TOP1: variants seen among roughly 807,000 people sequenced by gnomAD.
TOP1 encodes the protein DNA topoisomerase 1.
A neutral mutation model predicts 111.1 loss-of-function variants in TOP1; 10 were observed. That is an observed-to-expected ratio of 0.09 (90% confidence interval 0.06 to 0.15). The LOEUF is 0.15. Among genes scored for constraint, TOP1 ranks in the 10% least tolerant of loss-of-function variants. TOP1 has a pLI of 1.00. For missense variants in TOP1, 474 were observed against 926.7 expected (o/e 0.51, Z 6.34); for synonymous variants, 271 against 302.9 (o/e 0.89, Z 1.10).
rs1600548884 is a variant in TOP1, at chr20:41,032,427, T to C, written c.58+2972T>C. Among the ~76,000 whole-genome samples the C allele has an allele frequency of 6.6e-6, 1 of 152,242 alleles. No homozygotes were observed. Among genetic ancestry groups the C allele is most frequent in the East Asian group, 1.9e-4 (1 of 5,202 alleles). On this transcript the variant is annotated intron_variant, in intron 2 of 20. Transcript: ENST00000361337. The surrounding 1 kb of genome is among the most constrained non-coding windows in gnomAD (Gnocchi z 4.3). ...TCTAAGTCTAAGTGAAAAGACTTCC[T>C]AAGTATTGGTAGAACTAACTGTAGT... is the stretch of plus-strand genomic sequence containing the variant.
Position 41,071,169 on chromosome 20 carries a change from A to G in TOP1, c.156-5002A>G, listed in dbSNP as rs2033664724. Among the ~76,000 whole-genome samples the G allele has an allele frequency of 6.6e-6, 1 of 152,030 alleles. No individual in the cohort carries two copies. The highest frequency in any genetic ancestry group is 6.6e-5 in the Admixed American group (1 of 15,266). On this transcript the variant is annotated intron_variant, in intron 3 of 20. Transcript: ENST00000361337. The surrounding 1 kb of genome is among the most constrained non-coding windows in gnomAD (Gnocchi z 4.3). ...AACAGTGCTTCGCCAGAAGGGAGACATTGTTCCCTACTGGCTCCCTACTTC... is the reference window on the plus strand; with the variant it reads ...AACAGTGCTTCGCCAGAAGGGAGACGTTGTTCCCTACTGGCTCCCTACTTC...
At position 41,101,185 on chromosome 20, in the gene TOP1, A is replaced by G; in HGVS notation, c.1164-24A>G. ...ATTATTCCTCACATCTTATTTCACTATCCTCGTGCTCTGTTATTTCCAGAG... is the reference window on the plus strand; with the variant it reads ...ATTATTCCTCACATCTTATTTCACTGTCCTCGTGCTCTGTTATTTCCAGAG... On this transcript the variant is annotated intron_variant, in intron 12 of 20. Coordinates refer to ENST00000361337, the MANE Select transcript of TOP1 (RefSeq NM_003286.4). The surrounding 1 kb of genome is among the most constrained non-coding windows in gnomAD (Gnocchi z 4.1). The G allele has an allele frequency of 3.7e-6, 6 of 1,613,318 alleles. No individual in the cohort carries two copies. Among genetic ancestry groups the G allele is most frequent in the Non-Finnish European group, 5.1e-6 (6 of 1,179,324 alleles).
intron 2 of TOP1, among the ~76,000 whole-genome samples, chr20:41,055,042 G>T (rs2033453891): frequency 6.6e-6 from 1 of 152,188 alleles, no homozygotes; most frequent in Admixed American, 6.5e-5. Flanking sequence ...TGTCCTTAGG[G>T]AGTAACTCCA....
intron 2 of TOP1, among the ~76,000 whole-genome samples, chr20:41,045,992 A>G (rs888487222): frequency 1.3e-5 from 2 of 152,216 alleles, no homozygotes; most frequent in Non-Finnish European, 2.9e-5. Flanking sequence ...TTTGACCACT[A>G]TGAGGACCAC....
chr20:41,098,385 G>T lies in TOP1; in HGVS notation c.975+48G>T, dbSNP rs1476369056. 6.3e-7 allele frequency: 1 copy of T among 1,587,460 alleles called. No homozygotes were observed. The highest frequency in any genetic ancestry group is 8.6e-7 in the Non-Finnish European group (1 of 1,165,844). On this transcript the variant is annotated intron_variant, in intron 11 of 20. Transcript: ENST00000361337. The surrounding 1 kb of genome is among the most constrained non-coding windows in gnomAD (Gnocchi z 5.7). ...TCTGGAGAATTCTGGAATTGTGATT[G>T]GTTCATTTAACTTTCTTCTTGGTTC...
intron 13 of TOP1, among the ~76,000 whole-genome samples, chr20:41,105,302 T>G (rs1230031881): frequency 2.6e-5 from 4 of 152,252 alleles, no homozygotes; most frequent in Non-Finnish European, 5.9e-5. Flanking sequence ...AAAGACATAT[T>G]GTACAACCTA....
At position 41,118,325 on chromosome 20, in the gene TOP1, G is replaced by A. The variant is rs958546796; in HGVS notation, c.1950+29G>A. ...TCTTGGATAAAATGAAGGGAACTGTGTCTGCTGTGGGCAGATTATCTGCGA... is the reference window on the plus strand; with the variant it reads ...TCTTGGATAAAATGAAGGGAACTGTATCTGCTGTGGGCAGATTATCTGCGA... On this transcript the variant is annotated intron_variant, in intron 18 of 20. Coordinates refer to ENST00000361337, the MANE Select transcript of TOP1 (RefSeq NM_003286.4). This position sits in a 1 kb window ranked among gnomAD's most constrained non-coding sequence, Gnocchi z 4.6. 2 of 1,612,232 alleles carry A rather than the reference G, an allele frequency of 1.2e-6. No individual in the cohort carries two copies. Among genetic ancestry groups the A allele is most frequent in the East Asian group, 2.2e-5 (1 of 44,852 alleles).
rs1318045172 is a variant in TOP1 at position 41,082,020 on chromosome 20, A to G, written c.507+780A>G. 1.1e-4 allele frequency among the ~76,000 whole-genome samples: 16 copies of G among 152,196 alleles called. No individual in the cohort carries two copies. Among genetic ancestry groups the G allele is most frequent in the Non-Finnish European group, 1.5e-5 (1 of 68,016 alleles). On this transcript the variant is annotated intron_variant, in intron 7 of 20. Coordinates refer to ENST00000361337, the MANE Select transcript of TOP1 (RefSeq NM_003286.4). This position sits in a 1 kb window ranked among gnomAD's most constrained non-coding sequence, Gnocchi z 4.1. ...TTTGACACTTTTGAGTTCTTGTACC[A>G]AAAAATTGTTAGCAGGTAATTCAAG... is the stretch of plus-strand genomic sequence containing the variant.
chr20:41,041,332 C>G (rs942194195), intron 2 of TOP1, among the ~76,000 whole-genome samples: 3 of 151,422 alleles, frequency 2.0e-5, no homozygotes, highest in African/African-American at 7.3e-5. Flanking sequence ...CACCTACAGT[C>G]CCAGCTACTT....
intron 14 of TOP1, among the ~76,000 whole-genome samples, chr20:41,113,454 C>T (rs956171781): frequency 2.0e-5 from 3 of 151,926 alleles, no homozygotes; most frequent in Non-Finnish European, 4.4e-5. Context: ...TATTTAACAT[C>T]CCTATAGATT....
chr20:41,114,284 C>T lies in TOP1; in HGVS notation c.1638+129C>T. ...GTGACTTGAGACAGGCAACATGGCA[C>T]ATGCCTGTAGACCCAGCTATTCAGA... On this transcript the variant is annotated intron_variant, in intron 15 of 20. Coordinates refer to ENST00000361337, the MANE Select transcript of TOP1 (RefSeq NM_003286.4). The surrounding 1 kb of genome is among the most constrained non-coding windows in gnomAD (Gnocchi z 4.5). 1 of 762,758 alleles carries T rather than the reference C, an allele frequency of 1.3e-6. No homozygotes were observed. Among genetic ancestry groups the T allele is most frequent in the Non-Finnish European group, 2.2e-6 (1 of 461,056 alleles). 47.2% of individuals were successfully genotyped at this position (762,758 alleles called of 1,614,324 possible).
rs369111725 is a variant in TOP1, at chr20:41,071,454, C to G, written c.156-4717C>G. 1.3e-5 allele frequency among the ~76,000 whole-genome samples: 2 copies of G among 150,914 alleles called. No homozygotes were observed. Among genetic ancestry groups the G allele is most frequent in the Non-Finnish European group, 3.0e-5 (2 of 67,586 alleles). On this transcript the variant is annotated intron_variant, in intron 3 of 20. Coordinates refer to ENST00000361337, the MANE Select transcript of TOP1 (RefSeq NM_003286.4). This position sits in a 1 kb window ranked among gnomAD's most constrained non-coding sequence, Gnocchi z 4.3. The stretch of plus-strand genomic sequence containing the variant: ...CTGTCTCCCTGGTTCAAGTGATTCT[C>G]CTGCCTCAGCCTCCCCAGTAGCTGG...
chr20:41,081,225 A>T lies in TOP1; in HGVS notation c.492A>T (p.Lys164Asn). 2 of 1,605,950 alleles carry T rather than the reference A, an allele frequency of 1.2e-6. No individual in the cohort carries two copies. The highest frequency in any genetic ancestry group is 1.7e-6 in the Non-Finnish European group (2 of 1,174,924). The change falls in exon 7 of 21, where the codon AAA becomes AAT. Residue 164 changes from lysine (K) to asparagine (N), a missense_variant. Physicochemically the swap from Lys to Asn is moderately conservative, Grantham distance 94. This residue lies in a region of TOP1 where 185 missense variants were observed against 226.3 expected (regional missense o/e 0.82). Transcript: ENST00000361337. ...TEDTKKEKKR[K>N]LEEEEDGKLK... ...ATACCAAGAAGGAGAAGAAAAGAAAACTAGAAGAAGAAGAGGTTAGTAAAG... is the reference window on the plus strand; with the variant it reads ...ATACCAAGAAGGAGAAGAAAAGAAATCTAGAAGAAGAAGAGGTTAGTAAAG...
At position 41,114,489 on chromosome 20, in the gene TOP1, G is replaced by A. The variant is rs1347405666; in HGVS notation, c.1638+334G>A. ...GGAGAGGTATTATTTGATATCTTGT[G>A]TACCTCCTTTTAGTCACTGTTCCGC... On this transcript the variant is annotated intron_variant, in intron 15 of 20. Transcript: ENST00000361337. This position sits in a 1 kb window ranked among gnomAD's most constrained non-coding sequence, Gnocchi z 4.5. 1.3e-5 allele frequency among the ~76,000 whole-genome samples: 2 copies of A among 152,224 alleles called. No homozygotes were observed. The highest frequency in any genetic ancestry group is 6.5e-5 in the Admixed American group (1 of 15,284).
chr20:41,112,066 CAT>C lies in TOP1; in HGVS notation c.1309-714_1309-713del. Among the ~76,000 whole-genome samples the C allele has an allele frequency of 6.6e-6, 1 of 152,284 alleles. No individual in the cohort carries two copies. The highest frequency in any genetic ancestry group is 2.1e-4 in the South Asian group (1 of 4,828). On this transcript the variant is annotated intron_variant, in intron 13 of 20. Coordinates refer to ENST00000361337, the MANE Select transcript of TOP1 (RefSeq NM_003286.4). This position sits in a 1 kb window ranked among gnomAD's most constrained non-coding sequence, Gnocchi z 5.8. The stretch of plus-strand genomic sequence containing the variant: ...TATTTTTTTAAAGGCTTCCCAGAAA[CAT>C]AGTTTCTCTCAATCTCATCAAGAAA...
chr20:41,098,097 T>C lies in TOP1; in HGVS notation c.853-118T>C. On this transcript the variant is annotated intron_variant, in intron 10 of 20. Coordinates refer to ENST00000361337, the MANE Select transcript of TOP1 (RefSeq NM_003286.4). This position sits in a 1 kb window ranked among gnomAD's most constrained non-coding sequence, Gnocchi z 5.7. ...TCAAAATTCATTAATTGAGATTGGC[T>C]ACTTCCAGAAACCTTTGACTGAAAA... 9.9e-7 allele frequency: 1 copy of C among 1,011,676 alleles called. No individual in the cohort carries two copies. 62.7% of individuals were successfully genotyped at this position (1,011,676 alleles called of 1,614,324 possible).
Position 41,124,453 on chromosome 20 carries a change from G to T in TOP1, c.*1156G>T. ...TGAATTCCCTTTTAATCAACTGTAG[G>T]TTATTTAAAATAAATTCCTACAACT... On this transcript the variant is annotated 3_prime_UTR_variant, in exon 21 of 21. Coordinates refer to ENST00000361337, the MANE Select transcript of TOP1 (RefSeq NM_003286.4). This position sits in a 1 kb window ranked among gnomAD's most constrained non-coding sequence, Gnocchi z 5.4. 1 of 231,754 alleles carries T rather than the reference G, an allele frequency of 4.3e-6. No individual in the cohort carries two copies. Among genetic ancestry groups the T allele is most frequent in the Non-Finnish European group, 8.6e-6 (1 of 116,858 alleles). 14.4% of individuals were successfully genotyped at this position (231,754 alleles called of 1,614,324 possible).
chr20:41,079,894 A>G lies in TOP1; in HGVS notation c.336-191A>G, dbSNP rs116061406. On this transcript the variant is annotated intron_variant, in intron 5 of 20. Transcript: ENST00000361337. The surrounding 1 kb of genome is among the most constrained non-coding windows in gnomAD (Gnocchi z 4.0). ...ATCCTGATATTGCCCATTCACCTGT[A>G]CAATGAGGACAAATACTATCTACTT... is the stretch of plus-strand genomic sequence containing the variant. 2.2e-3 allele frequency among the ~76,000 whole-genome samples: 330 copies of G among 152,374 alleles called. 1 individual carries two copies. Among genetic ancestry groups the G allele is most frequent in the African/African-American group, 6.5e-3 (271 of 41,590 alleles).
chr20:41,032,911 C>T lies in TOP1; in HGVS notation c.58+3456C>T, dbSNP rs1049654132. On this transcript the variant is annotated intron_variant, in intron 2 of 20. Coordinates refer to ENST00000361337, the MANE Select transcript of TOP1 (RefSeq NM_003286.4). This position sits in a 1 kb window ranked among gnomAD's most constrained non-coding sequence, Gnocchi z 4.3. ...TTTTAAAACTGAAAAGTGATGGTACCGCCAAATGAAATCTGCAGCATCCTC... is the reference window on the plus strand; with the variant it reads ...TTTTAAAACTGAAAAGTGATGGTACTGCCAAATGAAATCTGCAGCATCCTC... Among the ~76,000 whole-genome samples the T allele has an allele frequency of 3.9e-5, 6 of 152,042 alleles. No individual in the cohort carries two copies. The highest frequency in any genetic ancestry group is 3.3e-4 in the Admixed American group (5 of 15,252).
Sources: allele counts gnomAD v4.1 joint callset (sites outside exome capture counted in the v4.1 genomes callset), GRCh38; gene constraint gnomAD v4.1.1; regional missense constraint gnomAD v4.1.1; non-coding constraint Gnocchi (gnomAD v3.1); transcripts MANE v1.5; gene names NCBI Gene and HGNC (gene_info 2026-07-23, HGNC 2026-07-21).